CHN2: variants seen among roughly 807,000 people sequenced by gnomAD.
CHN2 encodes beta-chimaerin.
In CHN2, 35 loss-of-function variants were observed where a neutral mutation model predicts 56.3. That is an observed-to-expected ratio of 0.62 (90% CI 0.47 to 0.82). CHN2 has a LOEUF of 0.82. CHN2 is among the 40% of genes least tolerant of loss of function. CHN2 has a pLI of 0.00. For synonymous variants in CHN2, 210 were observed against 212.8 expected, an observed-to-expected ratio of 0.99 and a Z score of 0.12; for missense variants, 491 against 580.5, an observed-to-expected ratio of 0.85 and a Z score of 1.58.
chr7:29,480,102 C>T (rs1240741306), intron 6 of CHN2, 177 bp from the exon 7 acceptor site: 3 of 1,552,060 alleles, frequency 1.9e-6, no homozygotes, highest in Non-Finnish European at 2.6e-6. Context: ...GAGCTGGGAT[C>T]CAGGCACTAT....
At chr7:29,468,545 A>T (rs1297879950) in intron 6 of CHN2, among the ~76,000 whole-genome samples, 1 of 152,100 alleles carries the variant, frequency 6.6e-6, no homozygotes, top group Non-Finnish European at 1.5e-5. Flanking sequence ...TTTCTTTCTT[A>T]AAAGGAGAAA....
Position 29,448,384 on chromosome 7 carries a change from G to T in CHN2, c.577-31895G>T, listed in dbSNP as rs150048949. On this transcript the variant is annotated intron_variant, in intron 6 of 12. Coordinates refer to ENST00000222792, the MANE Select transcript of CHN2 (RefSeq NM_004067.4). The stretch of plus-strand genomic sequence containing the variant: ...AATGATCTTGACCTAGTCATCTGAA[G>T]ACTTCTAAACTCCACTTGAAGAAAC... 3.9e-5 allele frequency among the ~76,000 whole-genome samples: 6 copies of T among 152,126 alleles called. No homozygotes were observed. In the East Asian group the frequency reaches 1.2e-3, roughly 29 times the overall value.
At chr7:29,480,041 G>A (rs112384965) in intron 6 of CHN2, 44 of 1,532,662 alleles carry the variant, frequency 2.9e-5, no homozygotes, top group African/African-American at 8.3e-5. Context: ...GCTGCGGTTC[G>A]AAAATCCTGA....
intron 1 of CHN2, among the ~76,000 whole-genome samples, chr7:29,324,532 G>A (rs1010995209): frequency 6.6e-6 from 1 of 151,906 alleles, no homozygotes; most frequent in African/African-American, 2.4e-5. Flanking sequence ...CTGTTAGAGT[G>A]ACACTGTTGA....
At chr7:29,267,282 G>C (rs1419678015) in intron 1 of CHN2, among the ~76,000 whole-genome samples, 3 of 148,878 alleles carry the variant, frequency 2.0e-5, no homozygotes, top group African/African-American at 7.5e-5. Context: ...TCCCTCTGTT[G>C]CCCAGGCTGG....
rs114374309 is a variant in CHN2, at chr7:29,242,173, A to C, written c.49+47183A>C. 5.5e-3 allele frequency among the ~76,000 whole-genome samples: 837 copies of C among 152,322 alleles called. 7 individuals are homozygous for C. Among genetic ancestry groups the C allele is most frequent in the African/African-American group, 0.019 (805 of 41,564 alleles). ...AAATGTCATGTAGCTTATAAGTGAC[A>C]GAAACAGGCATGGAACCTAGGCAGG... On this transcript the variant is annotated intron_variant, in intron 1 of 12. Transcript: ENST00000222792.
intron 6 of CHN2, 41 bp from the exon 7 acceptor site, chr7:29,480,238 G>T (rs916128014): frequency 1.9e-6 from 3 of 1,614,144 alleles, no homozygotes; most frequent in Non-Finnish European, 2.5e-6. Flanking sequence ...GTCAAAGGCG[G>T]CTTTCTTTGG....
intron 1 of CHN2, among the ~76,000 whole-genome samples, chr7:29,335,109 G>C (rs1428260762): frequency 1.3e-5 from 2 of 152,192 alleles, no homozygotes; most frequent in African/African-American, 4.8e-5. Context: ...CATTTCAATA[G>C]TGGTCAAGAA....
At chr7:29,285,296 C>G (rs1406564379) in intron 1 of CHN2, among the ~76,000 whole-genome samples, 1 of 152,176 alleles carries the variant, frequency 6.6e-6, no homozygotes, top group Non-Finnish European at 1.5e-5. Context: ...ACTCTTTTTC[C>G]ATAGGAGAAT....
At chr7:29,215,992 C>A (rs39060) in intron 1 of CHN2, among the ~76,000 whole-genome samples, 143,148 of 152,240 alleles carry the variant, frequency 0.94, 67,420 homozygotes, top group East Asian at 1. Context: ...TTTGTAACTA[C>A]GCCTAAGTAA....
intron 1 of CHN2, among the ~76,000 whole-genome samples, chr7:29,314,863 T>A (rs1189273896): frequency 6.6e-6 from 1 of 151,238 alleles, no homozygotes; most frequent in African/African-American, 2.4e-5. Flanking sequence ...TAATTATATA[T>A]TTGTTTTATA....
In CHN2 at chr7:29,336,603, A is replaced by T. The variant is rs554633567; in HGVS notation, c.50-18022A>T. ...TGAGACCCTGTCTCTACAAAAAAAA[A>T]TTTTTAATTAGCTAAGCATAGTACT... is the stretch of plus-strand genomic sequence containing the variant. On this transcript the variant is annotated intron_variant, in intron 1 of 12. Transcript: ENST00000222792. Among the ~76,000 whole-genome samples, 656 of 151,760 alleles carry T rather than the reference A, an allele frequency of 4.3e-3. 6 individuals are homozygous for T. Among genetic ancestry groups the T allele is most frequent in the Non-Finnish European group, 3.8e-3 (261 of 67,894 alleles).
intron 6 of CHN2, among the ~76,000 whole-genome samples, chr7:29,461,744 C>G (rs140220357): frequency 8.9e-4 from 136 of 152,214 alleles, no homozygotes; most frequent in Non-Finnish European, 1.4e-3. Context: ...AATACAGAAC[C>G]TGACACATAG....
intron 1 of CHN2, among the ~76,000 whole-genome samples, chr7:29,216,270 G>C (rs952076959): frequency 2.0e-5 from 3 of 152,178 alleles, no homozygotes; most frequent in Admixed American, 6.5e-5. Flanking sequence ...AGACAATTAG[G>C]GTTGGGGAAA....
chr7:29,483,469 C>T (rs1467351844), intron 7 of CHN2, among the ~76,000 whole-genome samples: 1 of 152,198 alleles, frequency 6.6e-6, no homozygotes, highest in African/African-American at 2.4e-5. Flanking sequence ...CTTTTCAACA[C>T]TGTGTGCTGA....
At chr7:29,453,215 T>G (rs1245967532) in intron 6 of CHN2, among the ~76,000 whole-genome samples, 1 of 152,180 alleles carries the variant, frequency 6.6e-6, no homozygotes, top group Admixed American at 6.5e-5. Context: ...GTCAGCCAGA[T>G]AAGATAGAAG....
chr7:29,433,234 T>C (rs1782977238), intron 6 of CHN2, among the ~76,000 whole-genome samples: 1 of 152,212 alleles, frequency 6.6e-6, no homozygotes. Flanking sequence ...AAGTCATAGT[T>C]GCTTTATGTT....
intron 2 of CHN2, among the ~76,000 whole-genome samples, chr7:29,162,934 A>G (rs1222019638): frequency 6.6e-6 from 1 of 152,204 alleles, no homozygotes; most frequent in Non-Finnish European, 1.5e-5. Context: ...AACGTTATAG[A>G]AATATACACA....
chr7:29,357,165 A>AT (rs563805842), intron 2 of CHN2, among the ~76,000 whole-genome samples: 75 of 152,314 alleles, frequency 4.9e-4, no homozygotes, highest in African/African-American at 1.8e-3. Flanking sequence ...TTTAAGTTTG[A>AT]TTTTTGGATC....
Sources: allele counts gnomAD v4.1 joint callset (sites outside exome capture counted in the v4.1 genomes callset), GRCh38; gene constraint gnomAD v4.1.1; transcripts MANE v1.5; gene names NCBI Gene and HGNC (gene_info 2026-07-23, HGNC 2026-07-21).